Variants in COL4A1 observed in about 807,000 individuals in gnomAD.
The protein encoded by COL4A1 is collagen type IV alpha 1 chain.
COL4A1 carries 40 observed loss-of-function variants against 216.6 expected under a neutral mutation model. The observed-to-expected ratio is 0.18, with a 90% confidence interval of 0.14 to 0.24. COL4A1 has a LOEUF of 0.24. COL4A1 is among the 10% of genes least tolerant of loss of function. The pLI is 1.00. For synonymous variants in COL4A1, 839 were observed against 810.7 expected, an observed-to-expected ratio of 1.03 and a Z score of -0.59; for missense variants, 1,628 against 2,196.8, an observed-to-expected ratio of 0.74 and a Z score of 5.18.
At chr13:110,282,332 A>G (rs1307000588) in intron 1 of COL4A1, among the ~76,000 whole-genome samples, 1 of 152,188 alleles carries the variant, frequency 6.6e-6, no homozygotes, top group Admixed American at 6.5e-5. Flanking sequence ...CATGTAGAGT[A>G]CTGGCACATC....
chr13:110,270,144 G>T (rs1301777878), intron 1 of COL4A1, among the ~76,000 whole-genome samples: 3 of 152,180 alleles, frequency 2.0e-5, no homozygotes, highest in African/African-American at 7.2e-5. Context: ...GCAAGACTGT[G>T]AAGCTGCTGT....
intron 1 of COL4A1, among the ~76,000 whole-genome samples, chr13:110,244,909 G>C (rs1351432849): frequency 2.0e-5 from 3 of 152,130 alleles, no homozygotes; most frequent in Non-Finnish European, 4.4e-5. Context: ...CCCAATTCCA[G>C]AGTTGTTAAA....
rs1877810383 is a variant in COL4A1, at chr13:110,174,900, C to T, written c.3199-151G>A. 3 of 934,668 alleles carry T rather than the reference C, an allele frequency of 3.2e-6. No homozygotes were observed. The African/African-American group carries it at 4.8e-5, about 15-fold the overall frequency. 57.9% of individuals were successfully genotyped at this position (934,668 alleles called of 1,614,324 possible). A position where few individuals can be genotyped will look rare whatever the true frequency, so the allele number is the denominator to read the frequency against. On this transcript the variant is annotated intron_variant, in intron 37 of 51. Transcript: ENST00000375820. ...TTTCTCATCAAAGAATCAAAGTCCA[C>T]TTCTGAATGGAGAGGAAAACTTAAG...
At chr13:110,228,357 T>C (rs1880847563) in intron 2 of COL4A1, among the ~76,000 whole-genome samples, 1 of 152,150 alleles carries the variant, frequency 6.6e-6, no homozygotes, top group African/African-American at 2.4e-5. Flanking sequence ...GGGCACATAC[T>C]GAGTAGCTTC....
intron 24 of COL4A1, among the ~76,000 whole-genome samples, chr13:110,189,105 C>T (rs2139175803): frequency 6.6e-6 from 1 of 152,198 alleles, no homozygotes; most frequent in South Asian, 2.1e-4. Flanking sequence ...CTCTTGTTGC[C>T]CAGGCTGGAG....
chr13:110,199,836 G>A (rs1477757700), intron 20 of COL4A1, among the ~76,000 whole-genome samples: 8 of 152,212 alleles, frequency 5.3e-5, no homozygotes, highest in Non-Finnish European at 7.3e-5. Flanking sequence ...TCTGTGAGGA[G>A]ACATGAAGTC....
chr13:110,246,008 T>G (rs1257685823), intron 1 of COL4A1, among the ~76,000 whole-genome samples: 1 of 152,138 alleles, frequency 6.6e-6, no homozygotes, highest in Non-Finnish European at 1.5e-5. Context: ...GTAGGGAATT[T>G]GATTATCAAT....
intron 1 of COL4A1, chr13:110,306,058 G>C (rs1421857107): frequency 6.6e-6 from 1 of 152,128 alleles, no homozygotes; most frequent in East Asian, 1.9e-4. Context: ...AACAGCTGAA[G>C]TCTTTATTCT....
At chr13:110,237,662 A>C (rs1219903468) in intron 2 of COL4A1, among the ~76,000 whole-genome samples, 1 of 152,226 alleles carries the variant, frequency 6.6e-6, no homozygotes. Flanking sequence ...CCCAAGATAC[A>C]GTCTCTTTCT....
intron 2 of COL4A1, among the ~76,000 whole-genome samples, chr13:110,239,957 G>C (rs925532773): frequency 2.6e-5 from 4 of 152,150 alleles, no homozygotes; most frequent in African/African-American, 4.8e-5. Flanking sequence ...GTGGGAGGAA[G>C]GGCTCTTTCC....
chr13:110,178,345 C>T (rs1877983302), intron 31 of COL4A1, 114 bp from the exon 32 acceptor site: 1 of 1,299,594 alleles, frequency 7.7e-7, no homozygotes, highest in Non-Finnish European at 1.1e-6. Flanking sequence ...CACGCCCACA[C>T]TGGGAACTTG....
Position 110,176,825 on chromosome 13 carries a change from T to C in COL4A1, c.2869+60A>G, listed in dbSNP as rs368555885. ...TGGTTATTATTTATGGAGGACCCGA[T>C]AACCCAGGAAAGGCACATTGTGGTT... On this transcript the variant is annotated intron_variant, in intron 34 of 51. Coordinates refer to ENST00000375820, the MANE Select transcript of COL4A1 (RefSeq NM_001845.6). 2.5e-6 allele frequency: 4 copies of C among 1,613,938 alleles called. No homozygotes were observed. In the Admixed American group the frequency reaches 5.0e-5, roughly 20 times the overall value.
At chr13:110,289,959 C>G (rs139955456) in intron 1 of COL4A1, among the ~76,000 whole-genome samples, 1 of 152,110 alleles carries the variant, frequency 6.6e-6, no homozygotes, top group Non-Finnish European at 1.5e-5. Flanking sequence ...TTTTAAGGCC[C>G]CTGGGAAGTA....
At chr13:110,164,382 T>A (rs889772348) in intron 46 of COL4A1, among the ~76,000 whole-genome samples, 1 of 152,188 alleles carries the variant, frequency 6.6e-6, no homozygotes, top group African/African-American at 2.4e-5. Context: ...CCACTCCTTA[T>A]CAGTAGCTCT....
chr13:110,198,078 GGTGTGTGTGTGTGT>G (rs35751015), intron 21 of COL4A1, among the ~76,000 whole-genome samples: 4 of 141,842 alleles, frequency 2.8e-5, no homozygotes, highest in Admixed American at 7.0e-5. Context: ...TTGTTTCTGG[GGTGTGTGTGTGTGT>G]GTGTGTGTGT....
At position 110,183,241 on chromosome 13, in the gene COL4A1, G is replaced by T; in HGVS notation, c.1933C>A (p.Pro645Thr). Residue 645 changes from proline (P) to threonine (T), a missense_variant, in exon 27 of 52, where the codon CCA becomes ACA. By Grantham distance (38) the Pro-to-Thr change is conservative (BLOSUM62 -1). Coordinates refer to ENST00000375820, the MANE Select transcript of COL4A1 (RefSeq NM_001845.6). ...AGTCCTTCTGCTCCAGGGGGGCCTG[G>T]TAAAGGAACAATTTTTCCTGGTTCA... ...KGEPGKIVPL[P>T]GPPGAEGLPG... 4.3e-6 allele frequency: 7 copies of T among 1,613,788 alleles called. No homozygotes were observed. Among genetic ancestry groups the T allele is most frequent in the Non-Finnish European group, 5.9e-6 (7 of 1,180,000 alleles).
rs182669033 is a variant in COL4A1, at chr13:110,164,261, G to A, written c.4150+601C>T. On this transcript the variant is annotated intron_variant, in intron 46 of 51. Transcript: ENST00000375820. Reference sequence around the variant, plus strand: ...TCCCACCTCAGCCTCCCAAAAAGCCGGCATTACATAGGTGTGACCCAGTGA... The same window carrying A: ...TCCCACCTCAGCCTCCCAAAAAGCCAGCATTACATAGGTGTGACCCAGTGA... Among the ~76,000 whole-genome samples, 157 of 152,178 alleles carry A rather than the reference G, an allele frequency of 1.0e-3. 1 individual carries two copies. The highest frequency in any genetic ancestry group is 2.5e-3 in the Admixed American group (38 of 15,292).
At position 110,187,286 on chromosome 13, in the gene COL4A1, T is replaced by C; in HGVS notation, c.1580A>G (p.Lys527Arg). Residue 527 changes from lysine to arginine, a missense_variant, in exon 25 of 52, where the codon AAG becomes AGG. Around this residue, in one of 8 missense-constraint regions of COL4A1, gnomAD observed 701 missense variants for 892.5 expected, o/e 0.79. Coordinates refer to ENST00000375820, the MANE Select transcript of COL4A1 (RefSeq NM_001845.6). The part of the protein sequence containing the change: ...TPGLIGQPGA[K>R]GEPGEFYFDL... ...GAAATAAAACTCACCAGGCTCCCCC[T>C]TGGCTCCTGGCTGGCCTATCAGCCC... 1.2e-6 allele frequency: 2 copies of C among 1,613,188 alleles called. No homozygotes were observed. Among genetic ancestry groups the C allele is most frequent in the Non-Finnish European group, 1.7e-6 (2 of 1,179,872 alleles).
chr13:110,242,721 C>G lies in COL4A1; in HGVS notation c.98G>C (p.Gly33Ala). 1 of 1,614,224 alleles carries G rather than the reference C, an allele frequency of 6.2e-7. No individual in the cohort carries two copies. Among genetic ancestry groups the G allele is most frequent in the Non-Finnish European group, 8.5e-7 (1 of 1,180,042 alleles). Residue 33 changes from glycine (G) to alanine (A), a missense_variant, in exon 2 of 52, where the codon GGC becomes GCC. By Grantham distance (60) the Gly-to-Ala change is moderately conservative. This residue lies in a region of COL4A1 where 74 missense variants were observed against 61.7 expected (regional missense o/e 1.20). Coordinates refer to ENST00000375820, the MANE Select transcript of COL4A1 (RefSeq NM_001845.6). ...GCAGTCACATTTGCCACAGCCAGAG[C>G]CAGCACAGCCACCCTGGAAGGAAAA... ...SRAAAKGGCA[G>A]SGCGKCDCHG...
Sources: gnomAD v4.1 joint callset for allele counts (sites outside exome capture counted in the v4.1 genomes callset) on GRCh38, gnomAD v4.1.1 for gene constraint, gnomAD v4.1.1 regional missense constraint, MANE v1.5 for transcripts, NCBI Gene and HGNC (gene_info 2026-07-23, HGNC 2026-07-21) for gene names.